NR3C1: variants seen among roughly 807,000 people sequenced by gnomAD.
NR3C1 encodes nuclear receptor subfamily 3 group C member 1, also known as glucocorticoid receptor.
Under a neutral mutation model 74.0 loss-of-function variants are expected in NR3C1, and 14 were observed. The observed-to-expected ratio is 0.19, with a 90% CI of 0.12 to 0.30. The LOEUF (loss-of-function observed/expected upper bound fraction) is 0.30. NR3C1 is among the 10% of genes least tolerant of loss of function. The pLI, the probability that NR3C1 is intolerant of heterozygous loss-of-function variation, is 1.00. For missense variants in NR3C1, 695 were observed against 909.8 expected (o/e 0.76, Z 3.04); for synonymous variants, 308 against 332.5 (o/e 0.93, Z 0.80).
At chr5:143,380,101 C>T (rs1835912338) in intron 2 of NR3C1, among the ~76,000 whole-genome samples, 1 of 152,076 alleles carries the variant, frequency 6.6e-6, no homozygotes. Flanking sequence ...ATACAACAAA[C>T]ATAGCTACTT....
intron 2 of NR3C1, among the ~76,000 whole-genome samples, chr5:143,371,016 A>G (rs998467189): frequency 1.3e-5 from 2 of 152,234 alleles, no homozygotes; most frequent in African/African-American, 4.8e-5. Flanking sequence ...TATGGAGGAC[A>G]TTAATAAAAG....
At chr5:143,404,347 C>G, upstream of NR3C1, 3 of 985,334 alleles carry the variant, frequency 3.0e-6, no homozygotes, top group Non-Finnish European at 3.6e-6. Flanking sequence ...AGGGAAGGGA[C>G]GGGATAGCGG....
chr5:143,370,253 T>C (rs1228798320), intron 2 of NR3C1, among the ~76,000 whole-genome samples: 1 of 152,194 alleles, frequency 6.6e-6, no homozygotes, highest in Non-Finnish European at 1.5e-5. Context: ...TTATGATTGC[T>C]CTCTTTAGCT....
intron 3 of NR3C1, among the ~76,000 whole-genome samples, chr5:143,311,385 T>G (rs1290915771): frequency 6.6e-6 from 1 of 152,258 alleles, no homozygotes; most frequent in African/African-American, 2.4e-5. Flanking sequence ...TGTCAGGATG[T>G]GCACATTACG....
chr5:143,334,724 T>TG (rs887103921), intron 2 of NR3C1, among the ~76,000 whole-genome samples: 6 of 134,328 alleles, frequency 4.5e-5, no homozygotes, highest in African/African-American at 1.0e-4. Context: ...GTCTCTGCTG[T>TG]GAAAAAAAAA....
intron 2 of NR3C1, among the ~76,000 whole-genome samples, chr5:143,340,476 A>ATTTTTT (rs3074500): frequency 1.6e-4 from 14 of 89,154 alleles, no homozygotes; most frequent in East Asian, 3.4e-4. Flanking sequence ...TTTAAAGATG[A>ATTTTTT]TTTTTTTTTT....
chr5:143,294,387 C>T (rs2151527605), intron 7 of NR3C1: 4 of 854,752 alleles, frequency 4.7e-6, no homozygotes, highest in Non-Finnish European at 5.6e-6. Flanking sequence ...CCAACTAGTT[C>T]ATAGAGCTTT....
At chr5:143,309,659 A>G (rs971884898) in intron 4 of NR3C1, among the ~76,000 whole-genome samples, 9 of 152,074 alleles carry the variant, frequency 5.9e-5, no homozygotes, top group African/African-American at 1.7e-4. Context: ...CCCCGCTTGA[A>G]GATCTGTAAT....
At chr5:143,413,704 A>C (rs1359940337) in intron 1 of NR3C1, among the ~76,000 whole-genome samples, 2 of 152,144 alleles carry the variant, frequency 1.3e-5, no homozygotes, top group Non-Finnish European at 2.9e-5. Flanking sequence ...GAGGGGTTTC[A>C]CTGGTCTAGT....
At chr5:143,408,258 G>C (rs1288360671), upstream of NR3C1, among the ~76,000 whole-genome samples, 1 of 152,096 alleles carries the variant, frequency 6.6e-6, no homozygotes, top group Non-Finnish European at 1.5e-5. Flanking sequence ...TGTAACCTTG[G>C]GCAGGCTAAC....
At chr5:143,432,653 CG>C (rs1751887310) in intron 1 of NR3C1, among the ~76,000 whole-genome samples, 2 of 152,202 alleles carry the variant, frequency 1.3e-5, no homozygotes. Flanking sequence ...GCTATTAAAG[CG>C]TACGGTTCCC....
chr5:143,435,476 C>G (rs72555797), exon 1 of NR3C1: 4 of 985,338 alleles, frequency 4.1e-6, no homozygotes, highest in Non-Finnish European at 3.6e-6. Flanking sequence ...GAAGAGGTAC[C>G]TTTTGAATGG....
chr5:143,352,513 T>TA (rs1329884959), intron 2 of NR3C1, among the ~76,000 whole-genome samples: 1 of 152,180 alleles, frequency 6.6e-6, no homozygotes, highest in Non-Finnish European at 1.5e-5. Context: ...ACGTTTTTTT[T>TA]ATATGCTGGG....
At chr5:143,412,849 A>G (rs1290266097) in intron 1 of NR3C1, among the ~76,000 whole-genome samples, 2 of 152,234 alleles carry the variant, frequency 1.3e-5, no homozygotes, top group African/African-American at 4.8e-5. Context: ...ACAGCTACCA[A>G]TGACTAACAC....
At chr5:143,283,009 C>A (rs1813472228) in intron 7 of NR3C1, among the ~76,000 whole-genome samples, 1 of 152,104 alleles carries the variant, frequency 6.6e-6, no homozygotes, top group Non-Finnish European at 1.5e-5. Context: ...ACCTCAGCCT[C>A]CTGAGTAGCT....
chr5:143,402,366 G>A (rs1003675616), intron 1 of NR3C1, among the ~76,000 whole-genome samples: 3 of 152,202 alleles, frequency 2.0e-5, no homozygotes, highest in Non-Finnish European at 2.9e-5. Flanking sequence ...CCATGCCAGA[G>A]GGTCTTAAGT....
At chr5:143,371,798 A>G (rs1478414472) in intron 2 of NR3C1, among the ~76,000 whole-genome samples, 1 of 152,228 alleles carries the variant, frequency 6.6e-6, no homozygotes, top group African/African-American at 2.4e-5. Context: ...ACTATAATTT[A>G]TCATTATCTA....
At chr5:143,428,187 G>T (rs1254701208) in intron 1 of NR3C1, among the ~76,000 whole-genome samples, 1 of 152,142 alleles carries the variant, frequency 6.6e-6, no homozygotes, top group African/African-American at 2.4e-5. Context: ...AATCCACCAA[G>T]GCCACAAAAA....
At chr5:143,303,969 C>T (rs1017655150) in intron 4 of NR3C1, among the ~76,000 whole-genome samples, 9 of 152,100 alleles carry the variant, frequency 5.9e-5, no homozygotes, top group Middle Eastern at 6.8e-3. Context: ...AACATCATAC[C>T]AAATGGGCAA....
Sources: allele counts gnomAD v4.1 joint callset (sites outside exome capture counted in the v4.1 genomes callset), GRCh38; gene constraint gnomAD v4.1.1; transcripts MANE v1.5; gene names NCBI Gene and HGNC (gene_info 2026-07-23, HGNC 2026-07-21).